The following CPSF3 variants were observed in gnomAD, a reference collection of about 807,000 sequenced individuals.
CPSF3 encodes cleavage and polyadenylation specific factor 3.
Under a neutral mutation model 84.1 loss-of-function variants are expected in CPSF3, and 57 were observed. That is an observed-to-expected ratio of 0.68 (90% confidence interval 0.55 to 0.85). The LOEUF (loss-of-function observed/expected upper bound fraction) is 0.85, where lower values mean the gene tolerates loss of function less well. Ranked by LOEUF, CPSF3 falls within the 40% of genes least tolerant of loss-of-function variation. The pLI is 0.00. For synonymous variants in CPSF3, 275 were observed against 278.1 expected, an observed-to-expected ratio of 0.99 and a Z score of 0.11; for missense variants, 522 against 838.8, an observed-to-expected ratio of 0.62 and a Z score of 4.66.
intron 15 of CPSF3, among the ~76,000 whole-genome samples, chr2:9,466,210 GCA>G (rs776031803): frequency 2.7e-5 from 4 of 145,890 alleles, no homozygotes; most frequent in South Asian, 2.2e-4. Flanking sequence ...ACACACACGC[GCA>G]CACACGCACG....
Position 9,432,643 on chromosome 2 carries a change from C to A in CPSF3, c.474C>A (p.His158Gln). The change falls in exon 5 of 18, where the codon CAC becomes CAA. Residue 158 changes from histidine (H) to glutamine (Q), a missense_variant. This residue lies in a region of CPSF3 where 329 missense variants were observed against 607.2 expected (regional missense o/e 0.54). Coordinates refer to ENST00000238112, the MANE Select transcript of CPSF3 (RefSeq NM_016207.4). The part of the protein sequence containing the change: ...GIKFWCYHAG[H>Q]VLGAAMFMIE... ...AGTTTTGGTGTTACCATGCAGGTCA[C>A]GTCCTAGGAGCCGCCATGTTCATGA... 1 of 1,570,692 alleles carries A rather than the reference C, an allele frequency of 6.4e-7. No individual in the cohort carries two copies. The highest frequency in any genetic ancestry group is 8.7e-7 in the Non-Finnish European group (1 of 1,147,656).
intron 17 of CPSF3, among the ~76,000 whole-genome samples, chr2:9,471,640 A>G (rs997065335): frequency 6.6e-6 from 1 of 151,802 alleles, no homozygotes; most frequent in Non-Finnish European, 1.5e-5. Context: ...GCATAGTACA[A>G]GGTTCGCGTG....
At chr2:9,443,466 C>G (rs747979949) in intron 9 of CPSF3, 49 bp from the exon 10 acceptor site, 24 of 1,541,388 alleles carry the variant, frequency 1.6e-5, no homozygotes, top group Non-Finnish European at 2.1e-5. Context: ...TGTACCTTTA[C>G]GATTATAACT....
chr2:9,468,292 C>T (rs1682042899), intron 16 of CPSF3, among the ~76,000 whole-genome samples: 1 of 152,102 alleles, frequency 6.6e-6, no homozygotes, highest in African/African-American at 2.4e-5. Flanking sequence ...AATACAGTGG[C>T]ATGATCTTGG....
intron 4 of CPSF3, 132 bp downstream of exon 4, chr2:9,431,012 C>G: frequency 1.5e-6 from 1 of 669,830 alleles, no homozygotes; most frequent in East Asian, 2.7e-5. Flanking sequence ...TTTCATCATT[C>G]ATTAACAAGG....
At chr2:9,468,619 C>CT (rs5829213) in intron 16 of CPSF3, among the ~76,000 whole-genome samples, 2,315 of 107,968 alleles carry the variant, frequency 0.021, 30 homozygotes, top group East Asian at 0.039. Context: ...CTACACTGAC[C>CT]TTTTTTTTTT....
chr2:9,461,801 G>A (rs919242577), intron 15 of CPSF3, among the ~76,000 whole-genome samples: 14 of 129,022 alleles, frequency 1.1e-4, no homozygotes, highest in African/African-American at 2.7e-4. Context: ...CTGCTCTGTC[G>A]CCCAGGCTGG....
intron 12 of CPSF3, among the ~76,000 whole-genome samples, chr2:9,454,673 T>C (rs1681461756): frequency 6.6e-6 from 1 of 151,276 alleles, no homozygotes; most frequent in Non-Finnish European, 1.5e-5. Flanking sequence ...GCCTCCCAAG[T>C]AGCTGGGACT....
chr2:9,427,052 TAGAGTCA>T (rs887218976), intron 1 of CPSF3, among the ~76,000 whole-genome samples: 4 of 152,044 alleles, frequency 2.6e-5, no homozygotes, highest in Non-Finnish European at 5.9e-5. Context: ...TAAAGGAGCT[TAGAGTCA>T]AGGGATTTTA....
At chr2:9,428,210 A>T (rs1680457754) in intron 1 of CPSF3, among the ~76,000 whole-genome samples, 1 of 148,954 alleles carries the variant, frequency 6.7e-6, no homozygotes, top group South Asian at 2.1e-4. Context: ...GTTAGCCAGG[A>T]TGGGTCTCGA....
intron 4 of CPSF3, 102 bp downstream of exon 4, chr2:9,430,982 A>G (rs1680565392): frequency 3.8e-6 from 3 of 787,664 alleles, no homozygotes; most frequent in Admixed American, 2.5e-5. Flanking sequence ...CTCCCTTTTC[A>G]TGTATAAGGA....
chr2:9,443,775 CT>C (rs1681034680), intron 10 of CPSF3, 114 bp downstream of exon 10: 6 of 1,104,990 alleles, frequency 5.4e-6, no homozygotes, highest in Non-Finnish European at 6.6e-6. Flanking sequence ...GCGACACCCC[CT>C]GAGCAGAGCC....
chr2:9,465,613 G>T (rs888666513), intron 15 of CPSF3, among the ~76,000 whole-genome samples: 1 of 151,924 alleles, frequency 6.6e-6, no homozygotes, highest in Non-Finnish European at 1.5e-5. Context: ...AATTGGTTAT[G>T]TATATTTATT....
In CPSF3 at chr2:9,456,731, T is replaced by TGCTATCTA. The variant is rs538183773; in HGVS notation, c.1604-200_1604-193dup. Among the ~76,000 whole-genome samples, 241 of 152,332 alleles carry TGCTATCTA rather than the reference T, an allele frequency of 1.6e-3. 3 individuals are homozygous for TGCTATCTA. Among genetic ancestry groups the TGCTATCTA allele is most frequent in the African/African-American group, 5.5e-3 (230 of 41,586 alleles). ...TAAAATGTTTGATGTCCAGGGTAAATGCTATCTAGTTGAATGTTTGCAATA... is the reference window on the plus strand; with the variant it reads ...TAAAATGTTTGATGTCCAGGGTAAATGCTATCTAGCTATCTAGTTGAATGTTTGCAATA... On this transcript the variant is annotated intron_variant, in intron 13 of 17. Coordinates refer to ENST00000238112, the MANE Select transcript of CPSF3 (RefSeq NM_016207.4).
At chr2:9,449,195 A>G (rs889046158) in intron 11 of CPSF3, among the ~76,000 whole-genome samples, 3 of 151,772 alleles carry the variant, frequency 2.0e-5, no homozygotes, top group African/African-American at 7.3e-5. Flanking sequence ...CCTGGCCAAC[A>G]TGGTAAAACC....
intron 1 of CPSF3, among the ~76,000 whole-genome samples, chr2:9,426,593 G>A (rs1680401795): frequency 1.3e-5 from 2 of 152,272 alleles, no homozygotes; most frequent in South Asian, 4.1e-4. Context: ...TGGCCAAGGA[G>A]CAAACCCTCG....
intron 15 of CPSF3, among the ~76,000 whole-genome samples, chr2:9,465,653 A>C (rs1376310719): frequency 2.6e-5 from 4 of 152,050 alleles, no homozygotes; most frequent in Admixed American, 2.6e-4. Flanking sequence ...TCCCATCCAA[A>C]CTTGAGATTT....
Position 9,457,000 on chromosome 2 carries a change from ACAAGAAC to A in CPSF3, c.1674_1680del (p.Glu559AlafsTer5). Reference sequence around the variant, plus strand: ...AAGTGTTCAAAAATATTACTGTAATACAAGAACCAGGCATGGTGGTATTAGAAGTAAG... The same window carrying A: ...AAGTGTTCAAAAATATTACTGTAATACAGGCATGGTGGTATTAGAAGTAAG... On this transcript the variant is annotated frameshift_variant, in exon 14 of 18. Transcript: ENST00000238112. LOFTEE classifies it high-confidence loss of function. The A allele has an allele frequency of 6.2e-7, 1 of 1,600,904 alleles. No individual in the cohort carries two copies. Among genetic ancestry groups the A allele is most frequent in the Non-Finnish European group, 8.5e-7 (1 of 1,172,338 alleles).
At chr2:9,437,850 G>A (rs1408780517) in intron 7 of CPSF3, among the ~76,000 whole-genome samples, 1 of 152,070 alleles carries the variant, frequency 6.6e-6, no homozygotes, top group Non-Finnish European at 1.5e-5. Context: ...AAAATACAAA[G>A]AATTAGCTGG....
Sources: allele counts gnomAD v4.1 joint callset (sites outside exome capture counted in the v4.1 genomes callset), GRCh38; gene constraint gnomAD v4.1.1; regional missense constraint gnomAD v4.1.1; transcripts MANE v1.5; gene names NCBI Gene and HGNC (gene_info 2026-07-23, HGNC 2026-07-21).